PLXNB2: variants seen among roughly 807,000 people sequenced by gnomAD.
PLXNB2 encodes the protein plexin B2, also known as plexin-B2.
A neutral mutation model predicts 202.6 loss-of-function variants in PLXNB2; 85 were observed. The ratio of observed to expected loss-of-function variants is 0.42; its 90% CI spans 0.35 to 0.50. The LOEUF is 0.50. PLXNB2 is among the 20% of genes least tolerant of loss of function. The probability of loss-of-function intolerance (pLI) is 0.02; values close to 1 mark genes in which losing one functional copy is unlikely to be tolerated. For synonymous variants in PLXNB2, 1,239 were observed against 1,137.6 expected, an observed-to-expected ratio of 1.09 and a Z score of -1.79; for missense variants, 2,063 against 2,586.2, an observed-to-expected ratio of 0.80 and a Z score of 4.39.
chr22:50,294,173 T>G (rs2067093517), intron 2 of PLXNB2, among the ~76,000 whole-genome samples: 1 of 152,228 alleles, frequency 6.6e-6, no homozygotes, highest in Non-Finnish European at 1.5e-5. Flanking sequence ...GCACTTCCTG[T>G]TTTGAAGCCC....
intron 32 of PLXNB2, 43 bp from the exon 33 acceptor site, chr22:50,277,781 G>C (rs371200732): frequency 1.9e-6 from 3 of 1,597,762 alleles, no homozygotes; most frequent in East Asian, 2.2e-5. Context: ...GCTGGGCCGC[G>C]GGGTGGGTGT....
In PLXNB2 at chr22:50,275,139, A is replaced by G; in HGVS notation, c.*565T>C. On this transcript the variant is annotated 3_prime_UTR_variant, in exon 37 of 37. Transcript: ENST00000359337. ...CAGGATGTCTGGGCCCCGACGTAGG[A>G]CTTGACCTACGTCTCACTTGACCTT... 3.5e-6 allele frequency: 1 copy of G among 284,286 alleles called. No individual in the cohort carries two copies. Among genetic ancestry groups the G allele is most frequent in the Non-Finnish European group, 7.0e-6 (1 of 143,852 alleles). 17.6% of individuals were successfully genotyped at this position (284,286 alleles called of 1,614,324 possible). A position where few individuals can be genotyped will look rare whatever the true frequency, so the allele number is the denominator to read the frequency against.
chr22:50,275,604 G>C lies in PLXNB2; in HGVS notation c.*100C>G. 2 of 807,656 alleles carry C rather than the reference G, an allele frequency of 2.5e-6. No homozygotes were observed. The highest frequency in any genetic ancestry group is 2.0e-6 in the Non-Finnish European group (1 of 496,734). 50.0% of individuals were successfully genotyped at this position (807,656 alleles called of 1,614,324 possible). A position where few individuals can be genotyped will look rare whatever the true frequency, so the allele number is the denominator to read the frequency against. ...CTCCGGCTTGGGGCGCGTTCCAGGG[G>C]AGGGTGGGGGCCTCAGCCACAGCCA... On this transcript the variant is annotated 3_prime_UTR_variant, in exon 37 of 37. Coordinates refer to ENST00000359337, the MANE Select transcript of PLXNB2 (RefSeq NM_012401.4).
At position 50,280,631 on chromosome 22, in the gene PLXNB2, G is replaced by A. The variant is rs775464863; in HGVS notation, c.4033C>T (p.Arg1345Cys). 2.5e-6 allele frequency: 4 copies of A among 1,612,506 alleles called. No homozygotes were observed. The highest frequency in any genetic ancestry group is 1.7e-5 in the Admixed American group (1 of 60,004). Residue 1345 changes from arginine (R) to cysteine (C), a missense_variant, in exon 25 of 37, where the codon CGC becomes TGC. Transcript: ENST00000359337. ...AGGGACGCGAAGTAGACCTTGGCGC[G>A]GGCCGAGAACTCCCGCTGGTTCTCC... ...TLENQREFSA[R>C]AKVYFASLLT...
Position 50,276,652 on chromosome 22 carries a change from T to C in PLXNB2, c.5314A>G (p.Thr1772Ala), listed in dbSNP as rs542604025. ...ACCCGGGAAATCTCTGCCAGGTGTGTGTTCATGTCCTGGTCGCTGACCTGC... is the reference window on the plus strand; with the variant it reads ...ACCCGGGAAATCTCTGCCAGGTGTGCGTTCATGTCCTGGTCGCTGACCTGC... ...MVQVSDQDMN[T>A]HLAEISRAHT... The change falls in exon 35 of 37, where the codon ACA becomes GCA. Residue 1772 changes from threonine (T) to alanine (A), a missense_variant. Around this residue, in one of 2 missense-constraint regions of PLXNB2, gnomAD observed 760 missense variants for 1,109.4 expected, o/e 0.69. Transcript: ENST00000359337. The C allele has an allele frequency of 1.2e-6, 2 of 1,613,748 alleles. No individual in the cohort carries two copies. Among genetic ancestry groups the C allele is most frequent in the South Asian group, 2.2e-5 (2 of 91,084 alleles).
intron 1 of PLXNB2, among the ~76,000 whole-genome samples, chr22:50,300,547 G>T (rs1466897646): frequency 6.6e-6 from 1 of 152,054 alleles, no homozygotes; most frequent in African/African-American, 2.4e-5. Flanking sequence ...AGGAGCTGGG[G>T]CGGGGCGGGG....
chr22:50,306,602 A>C (rs1161410246), intron 1 of PLXNB2, among the ~76,000 whole-genome samples: 1 of 81,964 alleles, frequency 1.2e-5, no homozygotes, highest in Non-Finnish European at 2.5e-5. Flanking sequence ...TCAGACATTA[A>C]GTGGGGAGGG....
intron 1 of PLXNB2, among the ~76,000 whole-genome samples, chr22:50,304,037 C>T (rs2067799898): frequency 6.6e-6 from 1 of 152,208 alleles, no homozygotes; most frequent in African/African-American, 2.4e-5. Context: ...GGGCTACCCC[C>T]AGGGAAGGCC....
rs1407754477 is a variant in PLXNB2 at position 50,291,298 on chromosome 22, A to G, written c.-13-701T>C. ...CCAGGGCACAGCCTCTGATGTGCGC[A>G]CAGCGGAGGCAACAAGGGGACCTGG... is the stretch of plus-strand genomic sequence containing the variant. On this transcript the variant is annotated intron_variant, in intron 2 of 36. Coordinates refer to ENST00000359337, the MANE Select transcript of PLXNB2 (RefSeq NM_012401.4). The surrounding 1 kb of genome is among the most constrained non-coding windows in gnomAD (Gnocchi z 4.3). Among the ~76,000 whole-genome samples, 2 of 152,208 alleles carry G rather than the reference A, an allele frequency of 1.3e-5. No individual in the cohort carries two copies. Among genetic ancestry groups the G allele is most frequent in the Non-Finnish European group, 2.9e-5 (2 of 68,026 alleles).
chr22:50,295,870 G>C (rs1389774949), intron 1 of PLXNB2, among the ~76,000 whole-genome samples: 1 of 152,116 alleles, frequency 6.6e-6, no homozygotes, highest in Non-Finnish European at 1.5e-5. Context: ...TTGGGAGGCT[G>C]AAGTGGGCGG....
chr22:50,275,196 C>A lies in PLXNB2; in HGVS notation c.*508G>T. On this transcript the variant is annotated 3_prime_UTR_variant, in exon 37 of 37. Coordinates refer to ENST00000359337, the MANE Select transcript of PLXNB2 (RefSeq NM_012401.4). The stretch of plus-strand genomic sequence containing the variant: ...GGGGCCCAGCAGCCGTGAGTCCACC[C>A]AGAGTGCCGGCACCCTTGGGGAGGC... 3.1e-6 allele frequency: 1 copy of A among 327,322 alleles called. No individual in the cohort carries two copies. Among genetic ancestry groups the A allele is most frequent in the Non-Finnish European group, 6.0e-6 (1 of 165,630 alleles). The allele number at this position is 327,322 out of a possible 1,614,324, so 20.3% of individuals were successfully genotyped here.
At position 50,289,493 on chromosome 22, in the gene PLXNB2, G is replaced by T; in HGVS notation, c.1068+24C>A. 1 of 1,581,552 alleles carries T rather than the reference G, an allele frequency of 6.3e-7. No individual in the cohort carries two copies. Among genetic ancestry groups the T allele is most frequent in the African/African-American group, 1.3e-5 (1 of 74,150 alleles). ...AACGGACGCCTGCAGTCCGGGCCCT[G>T]CGAGAACACACTGAGGCCCATACCG... is the stretch of plus-strand genomic sequence containing the variant. On this transcript the variant is annotated intron_variant, in intron 3 of 36. Coordinates refer to ENST00000359337, the MANE Select transcript of PLXNB2 (RefSeq NM_012401.4). This position sits in a 1 kb window ranked among gnomAD's most constrained non-coding sequence, Gnocchi z 8.0.
In PLXNB2 at chr22:50,275,952, G is replaced by A. The variant is rs750299230; in HGVS notation, c.5349C>T (p.Asp1783=). The change falls in exon 36 of 37, where the codon GAC becomes GAT. Residue 1783 remains aspartate (D), a synonymous_variant. Coordinates refer to ENST00000359337, the MANE Select transcript of PLXNB2 (RefSeq NM_012401.4). The part of the protein sequence containing the change: ...HLAEISRAHT[D]SLNTLVALHQ... ...GGAGTGCCACGAGGGTGTTCAAGGAGTCCGTGTGCGCCTGGGGGGTGACGG... is the reference window on the plus strand; with the variant it reads ...GGAGTGCCACGAGGGTGTTCAAGGAATCCGTGTGCGCCTGGGGGGTGACGG... The A allele has an allele frequency of 3.1e-6, 5 of 1,612,624 alleles. No individual in the cohort carries two copies. The highest frequency in any genetic ancestry group is 1.6e-4 in the Middle Eastern group (1 of 6,062).
chr22:50,305,346 C>T (rs555923181), intron 1 of PLXNB2, among the ~76,000 whole-genome samples: 4 of 152,340 alleles, frequency 2.6e-5, no homozygotes, highest in East Asian at 1.9e-4. Flanking sequence ...GGCCAGCTGC[C>T]GGCTCCTCCT....
chr22:50,275,328 G>C lies in PLXNB2; in HGVS notation c.*376C>G, dbSNP rs964092129. On this transcript the variant is annotated 3_prime_UTR_variant, in exon 37 of 37. Coordinates refer to ENST00000359337, the MANE Select transcript of PLXNB2 (RefSeq NM_012401.4). ...TTGCCCTGGGGGCCACAGGCCCTCA[G>C]ATCCCCCAGGGGCCCAACCTAGGGC... is the stretch of plus-strand genomic sequence containing the variant. The C allele has an allele frequency of 6.6e-6, 3 of 451,132 alleles. No individual in the cohort carries two copies. Among genetic ancestry groups the C allele is most frequent in the African/African-American group, 6.0e-5 (3 of 49,654 alleles). The allele number at this position is 451,132 out of a possible 1,614,324, so 27.9% of individuals were successfully genotyped here.
Position 50,284,100 on chromosome 22 carries a change from T to G in PLXNB2, c.2263+32A>C. 4 of 369,308 alleles carry G rather than the reference T, an allele frequency of 1.1e-5. No homozygotes were observed. Among genetic ancestry groups the G allele is most frequent in the Non-Finnish European group, 1.7e-5 (4 of 234,796 alleles). 22.9% of individuals were successfully genotyped at this position (369,308 alleles called of 1,614,324 possible). A position where few individuals can be genotyped will look rare whatever the true frequency, so the allele number is the denominator to read the frequency against. On this transcript the variant is annotated intron_variant, in intron 13 of 36. Transcript: ENST00000359337. The surrounding 1 kb of genome is among the most constrained non-coding windows in gnomAD (Gnocchi z 8.0). ...CACCGCCTTGTGCCCACCCGTCCCC[T>G]GCCCGCCCCCCACTGCGCCCGTGGC... is the stretch of plus-strand genomic sequence containing the variant.
Position 50,300,314 on chromosome 22 carries a change from A to G in PLXNB2, c.-73-5536T>C, listed in dbSNP as rs925827279. On this transcript the variant is annotated intron_variant, in intron 1 of 36. Transcript: ENST00000359337. ...ACATCGGATCGCACAGCCGGCCATT[A>G]CCTAAGTCCTCCGAGCCGTGGAAGG... The G allele has an allele frequency of 3.0e-6, 3 of 985,130 alleles. No homozygotes were observed. In the African/African-American group the frequency reaches 5.2e-5, roughly 17 times the overall value. The allele number at this position is 985,130 out of a possible 1,614,324, so 61.0% of individuals were successfully genotyped here.
chr22:50,305,566 G>A (rs1259405029), intron 1 of PLXNB2, among the ~76,000 whole-genome samples: 2 of 152,216 alleles, frequency 1.3e-5, no homozygotes, highest in South Asian at 2.1e-4. Flanking sequence ...ACTGGCTGTC[G>A]GAGGGGCTTG....
intron 1 of PLXNB2, chr22:50,300,365 C>G: frequency 1.0e-6 from 1 of 976,844 alleles, no homozygotes; most frequent in Non-Finnish European, 1.2e-6. Context: ...TCCGCCCCGC[C>G]GATGGTGGCT....
Sources: allele counts gnomAD v4.1 joint callset (sites outside exome capture counted in the v4.1 genomes callset), GRCh38; gene constraint gnomAD v4.1.1; regional missense constraint gnomAD v4.1.1; non-coding constraint Gnocchi (gnomAD v3.1); transcripts MANE v1.5; gene names NCBI Gene and HGNC (gene_info 2026-07-23, HGNC 2026-07-21).